The following MCRIP2 variants were observed in gnomAD, a reference collection of about 807,000 sequenced individuals.
MCRIP2 encodes the protein MAPK regulated corepressor interacting protein 2, also known as MAPK regulated co-repressor interacting protein 2.
MCRIP2 carries 21 observed loss-of-function variants against 23.2 expected under a neutral mutation model. The observed-to-expected ratio is 0.90, with a 90% CI of 0.64 to 1.30. The LOEUF (loss-of-function observed/expected upper bound fraction) is 1.30, where lower values mean the gene tolerates loss of function less well. Among genes scored for constraint, MCRIP2 ranks in the 50% most tolerant of loss-of-function variants. The pLI is 0.00. For missense variants in MCRIP2, 234 were observed against 223.2 expected (o/e 1.05, Z -0.31); for synonymous variants, 121 against 100.2 (o/e 1.21, Z -1.24).
At chr16:647,151 C>CT (rs1298420188) in intron 2 of MCRIP2, 6 of 554,308 alleles carry the variant, frequency 1.1e-5, no homozygotes, top group Middle Eastern at 4.8e-4. Flanking sequence ...TTGGGACACT[C>CT]TAAGACTGAG....
rs1347332062 is a variant in MCRIP2 at position 641,928 on chromosome 16, T to G, written c.-64T>G. The G allele has an allele frequency of 1.6e-6, 2 of 1,265,330 alleles. No homozygotes were observed. Among genetic ancestry groups the G allele is most frequent in the South Asian group, 5.1e-5 (2 of 39,004 alleles). The allele number at this position is 1,265,330 out of a possible 1,614,324, so 78.4% of individuals were successfully genotyped here. The stretch of plus-strand genomic sequence containing the variant: ...CCCGCGGCGCCCGCAGTCCGTTAAG[T>G]GCGAGCCCCGGCGCAGGGGCCGGAT... On this transcript the variant is annotated 5_prime_UTR_variant, in exon 1 of 5. Transcript: ENST00000307650.
At chr16:644,429 C>T (rs1019770752) in intron 2 of MCRIP2, among the ~76,000 whole-genome samples, 1 of 152,060 alleles carries the variant, frequency 6.6e-6, no homozygotes, top group Admixed American at 6.6e-5. Flanking sequence ...ACCCACCTCG[C>T]TGTTTTTTAC....
At position 641,830 on chromosome 16, in the gene MCRIP2, C is replaced by T. The variant is rs2037341776; in HGVS notation, c.-162C>T. On this transcript the variant is annotated 5_prime_UTR_variant, in exon 1 of 5. Transcript: ENST00000307650. The stretch of plus-strand genomic sequence containing the variant: ...CAAAGGGCGCAAGCGCCGCCTCCGC[C>T]GCGTGTCCGGGGTCAGCCCGAGCCC... 5.2e-6 allele frequency: 3 copies of T among 579,554 alleles called. No individual in the cohort carries two copies. Among genetic ancestry groups the T allele is most frequent in the South Asian group, 8.8e-5 (1 of 11,310 alleles). The allele number at this position is 579,554 out of a possible 1,614,324, so 35.9% of individuals were successfully genotyped here.
chr16:642,391 G>GGTGCGCGGGTC (rs1228639780), intron 2 of MCRIP2, 142 bp downstream of exon 2: 14 of 813,148 alleles, frequency 1.7e-5, no homozygotes, highest in South Asian at 5.9e-5. Flanking sequence ...GGGCGCGGGG[G>GGTGCGCGGGTC]GTGCGCGGGT....
In MCRIP2 at chr16:647,484, G is replaced by A. The variant is rs1395161362; in HGVS notation, c.250G>A (p.Glu84Lys). 23 of 1,610,358 alleles carry A rather than the reference G, an allele frequency of 1.4e-5. No homozygotes were observed. The highest frequency in any genetic ancestry group is 1.8e-5 in the Non-Finnish European group (21 of 1,178,826). Residue 84 changes from glutamate (E) to lysine (K), a missense_variant, in exon 3 of 5, where the codon GAG becomes AAG. Glu to Lys is a moderately conservative substitution (Grantham distance 56). Transcript: ENST00000307650. ...RRAPSTSPSF[E>K]GTQETYTVAH... The stretch of plus-strand genomic sequence containing the variant: ...GGCCCCCTCCACGTCCCCATCCTTC[G>A]AGGGGACCCAGGAGACCTACACAGT...
At chr16:647,216 C>T (rs2037505340) in intron 2 of MCRIP2, 1 of 639,244 alleles carries the variant, frequency 1.6e-6, no homozygotes, top group Non-Finnish European at 2.7e-6. Flanking sequence ...CAGGTGTGAG[C>T]TGAGCTGCCG....
rs929892088 is a variant in MCRIP2, at chr16:641,977, T to C, written c.-15T>C. The stretch of plus-strand genomic sequence containing the variant: ...ATCTGGCCGGGGGCCGGCGGCGGTG[T>C]GGGAGCGGCGCGTCATGTACACCAT... On this transcript the variant is annotated 5_prime_UTR_variant, in exon 1 of 5. Transcript: ENST00000307650. 3.0e-6 allele frequency: 4 copies of C among 1,313,406 alleles called. No individual in the cohort carries two copies. In the African/African-American group the frequency reaches 6.2e-5, roughly 20 times the overall value. The allele number at this position is 1,313,406 out of a possible 1,614,324, so 81.4% of individuals were successfully genotyped here.
At chr16:643,894 G>T (rs1567208682) in intron 2 of MCRIP2, among the ~76,000 whole-genome samples, 1 of 152,108 alleles carries the variant, frequency 6.6e-6, no homozygotes, top group Non-Finnish European at 1.5e-5. Context: ...GGAGTTGAGT[G>T]GGCTTCACCC....
At position 648,118 on chromosome 16, in the gene MCRIP2, A is replaced by G; in HGVS notation, c.413-2A>G. ...TCACTGCCCAGCCTTCTCTGCCCAC[A>G]GACTTTGTGCCCATTGACCTAGACG... On this transcript the variant is annotated splice_acceptor_variant, in intron 4 of 4. Transcript: ENST00000307650. LOFTEE classifies it high-confidence loss of function. The G allele has an allele frequency of 6.2e-7, 1 of 1,600,706 alleles. No individual in the cohort carries two copies. The highest frequency in any genetic ancestry group is 8.5e-7 in the Non-Finnish European group (1 of 1,171,814).
At chr16:647,200 G>C (rs1172423304) in intron 2 of MCRIP2, 1 of 609,766 alleles carries the variant, frequency 1.6e-6, no homozygotes, top group Non-Finnish European at 2.9e-6. Flanking sequence ...TCAGGACACA[G>C]GGCTGCAGGT....
intron 2 of MCRIP2, chr16:647,198 CAG>C: frequency 1.6e-6 from 1 of 607,332 alleles, no homozygotes; most frequent in South Asian, 2.0e-5. Context: ...CCTCAGGACA[CAG>C]GGCTGCAGGT....
rs775083077 is a variant in MCRIP2 at position 646,144 on chromosome 16, C to A, written c.183-1273C>A. On this transcript the variant is annotated intron_variant, in intron 2 of 4. Coordinates refer to ENST00000307650, the MANE Select transcript of MCRIP2 (RefSeq NM_138418.4). This position sits in a 1 kb window ranked among gnomAD's most constrained non-coding sequence, Gnocchi z 6.5. ...GCCTGCCTCCTGGGGCCCATCTCTG[C>A]CCGAGAGCCGCCACCTCCGCCCTTC... 1 of 152,218 alleles carries A rather than the reference C, an allele frequency of 6.6e-6. No individual in the cohort carries two copies. The highest frequency in any genetic ancestry group is 1.5e-5 in the Non-Finnish European group (1 of 68,052). 9.4% of individuals were successfully genotyped at this position (152,218 alleles called of 1,614,324 possible).
Position 641,837 on chromosome 16 carries a change from C to G in MCRIP2, c.-155C>G, listed in dbSNP as rs1596447195. The G allele has an allele frequency of 1.6e-6, 1 of 625,480 alleles. No individual in the cohort carries two copies. Among genetic ancestry groups the G allele is most frequent in the South Asian group, 8.2e-5 (1 of 12,210 alleles). The allele number at this position is 625,480 out of a possible 1,614,324, so 38.7% of individuals were successfully genotyped here. ...CGCAAGCGCCGCCTCCGCCGCGTGTCCGGGGTCAGCCCGAGCCCGTGCGGG... is the reference window on the plus strand; with the variant it reads ...CGCAAGCGCCGCCTCCGCCGCGTGTGCGGGGTCAGCCCGAGCCCGTGCGGG... On this transcript the variant is annotated 5_prime_UTR_variant, in exon 1 of 5. Coordinates refer to ENST00000307650, the MANE Select transcript of MCRIP2 (RefSeq NM_138418.4).
At chr16:642,067 A>AACGGGG (rs1203856250) in intron 1 of MCRIP2, 24 bp downstream of exon 1, 1 of 1,318,718 alleles carries the variant, frequency 7.6e-7, no homozygotes, top group Non-Finnish European at 9.6e-7. Context: ...GGGGAACGGG[A>AACGGGG]ACGGGGACGG....
At chr16:647,636 C>G in intron 3 of MCRIP2, 92 bp downstream of exon 3, 1 of 1,552,166 alleles carries the variant, frequency 6.4e-7, no homozygotes, top group Non-Finnish European at 8.8e-7. Context: ...CCCACAGCCG[C>G]TGCATGGCTG....
At position 646,968 on chromosome 16, in the gene MCRIP2, C is replaced by T. The variant is rs780690988; in HGVS notation, c.183-449C>T. 8 of 161,786 alleles carry T rather than the reference C, an allele frequency of 4.9e-5. No homozygotes were observed. Among genetic ancestry groups the T allele is most frequent in the Non-Finnish European group, 1.1e-4 (8 of 74,390 alleles). The allele number at this position is 161,786 out of a possible 1,614,324, so 10.0% of individuals were successfully genotyped here. Reference sequence around the variant, plus strand: ...TGGAGATGGAGGTGCTTCTGTGGGGCGAGAATGTGGCCTAGAACTACACCC... The same window carrying T: ...TGGAGATGGAGGTGCTTCTGTGGGGTGAGAATGTGGCCTAGAACTACACCC... On this transcript the variant is annotated intron_variant, in intron 2 of 4. Coordinates refer to ENST00000307650, the MANE Select transcript of MCRIP2 (RefSeq NM_138418.4). The surrounding 1 kb of genome is among the most constrained non-coding windows in gnomAD (Gnocchi z 6.5).
Position 646,945 on chromosome 16 carries a change from G to T in MCRIP2, c.183-472G>T. The T allele has an allele frequency of 1.1e-3, 174 of 158,270 alleles. No homozygotes were observed. Among genetic ancestry groups the T allele is most frequent in the South Asian group, 7.5e-3 (40 of 5,360 alleles). 9.8% of individuals were successfully genotyped at this position (158,270 alleles called of 1,614,324 possible). ...TCCGTCCATGGAGGGAAACATCGTG[G>T]AGATGGAGGTGCTTCTGTGGGGCGA... On this transcript the variant is annotated intron_variant, in intron 2 of 4. Coordinates refer to ENST00000307650, the MANE Select transcript of MCRIP2 (RefSeq NM_138418.4). This position sits in a 1 kb window ranked among gnomAD's most constrained non-coding sequence, Gnocchi z 6.5.
In MCRIP2 at chr16:648,276, G is replaced by GGCACCCAGCCA; in HGVS notation, c.*87_*88insCACCCAGCCAG. On this transcript the variant is annotated 3_prime_UTR_variant, in exon 5 of 5. Transcript: ENST00000307650. ...CCCTGCCCACCCACTGCGCCTGGCTGGGTGCCGGCCACACCTGAAGTGCCA... is the reference window on the plus strand; with the variant it reads ...CCCTGCCCACCCACTGCGCCTGGCTGGCACCCAGCCAGGTGCCGGCCACACCTGAAGTGCCA... 1 of 1,348,936 alleles carries GGCACCCAGCCA rather than the reference G, an allele frequency of 7.4e-7. No homozygotes were observed. Among genetic ancestry groups the GGCACCCAGCCA allele is most frequent in the Non-Finnish European group, 1.0e-6 (1 of 968,704 alleles). The allele number at this position is 1,348,936 out of a possible 1,614,324, so 83.6% of individuals were successfully genotyped here.
rs568000513 is a variant in MCRIP2 at position 641,883 on chromosome 16, T to G, written c.-109T>G. ...GCGGGCCCTTTAAGGGCCGGGGGCG[T>G]GTAGCGGGCCCGCCCCCTCCCCGCG... On this transcript the variant is annotated 5_prime_UTR_variant, in exon 1 of 5. Coordinates refer to ENST00000307650, the MANE Select transcript of MCRIP2 (RefSeq NM_138418.4). 3 of 991,960 alleles carry G rather than the reference T, an allele frequency of 3.0e-6. No homozygotes were observed. Among genetic ancestry groups the G allele is most frequent in the East Asian group, 3.5e-5 (1 of 28,546 alleles). 61.4% of individuals were successfully genotyped at this position (991,960 alleles called of 1,614,324 possible). A position where few individuals can be genotyped will look rare whatever the true frequency, so the allele number is the denominator to read the frequency against.
Sources: allele counts gnomAD v4.1 joint callset (sites outside exome capture counted in the v4.1 genomes callset), GRCh38; gene constraint gnomAD v4.1.1; non-coding constraint Gnocchi (gnomAD v3.1); transcripts MANE v1.5; gene names NCBI Gene and HGNC (gene_info 2026-07-23, HGNC 2026-07-21).